GPC6: variants seen among roughly 807,000 people sequenced by gnomAD.
GPC6 encodes glypican-6.
Under a neutral mutation model 55.2 loss-of-function variants are expected in GPC6, and 14 were observed. That is an observed-to-expected ratio of 0.25 (90% CI 0.17 to 0.40). The LOEUF (loss-of-function observed/expected upper bound fraction) is 0.40, where lower values mean the gene tolerates loss of function less well. Among genes scored for constraint, GPC6 ranks in the 10% least tolerant of loss-of-function variants. The pLI is 1.00. For missense variants in GPC6, 641 were observed against 708.5 expected (o/e 0.90, Z 1.08); for synonymous variants, 278 against 259.6 (o/e 1.07, Z -0.68).
At chr13:94,126,169 C>G (rs557115852) in intron 4 of GPC6, among the ~76,000 whole-genome samples, 2 of 152,164 alleles carry the variant, frequency 1.3e-5, no homozygotes, top group Non-Finnish European at 2.9e-5. Context: ...CACTTTGAGG[C>G]AAGAGTTGGA....
At chr13:93,459,141 C>A (rs1878584284) in intron 1 of GPC6, among the ~76,000 whole-genome samples, 2 of 152,210 alleles carry the variant, frequency 1.3e-5, no homozygotes, top group African/African-American at 4.8e-5. Flanking sequence ...TCACCGCAGT[C>A]TTAACCTCCT....
At chr13:93,921,737 G>A (rs1877586061) in intron 3 of GPC6, among the ~76,000 whole-genome samples, 1 of 151,646 alleles carries the variant, frequency 6.6e-6, no homozygotes, top group African/African-American at 2.4e-5. Context: ...CCAAAAGGCA[G>A]CATTTGGGTG....
intron 2 of GPC6, among the ~76,000 whole-genome samples, chr13:93,824,226 G>A (rs528036053): frequency 6.6e-6 from 1 of 152,212 alleles, no homozygotes; most frequent in South Asian, 2.1e-4. Context: ...GTATGAGTGA[G>A]GAAATAAAGG....
At chr13:94,144,118 A>G (rs1887474849) in intron 4 of GPC6, among the ~76,000 whole-genome samples, 1 of 151,910 alleles carries the variant, frequency 6.6e-6, no homozygotes. Flanking sequence ...TCTGTCGCAC[A>G]CTCTTTTTTA....
chr13:93,354,658 C>T (rs1304858997), intron 1 of GPC6, among the ~76,000 whole-genome samples: 1 of 151,610 alleles, frequency 6.6e-6, no homozygotes, highest in Non-Finnish European at 1.5e-5. Flanking sequence ...GCCACCGCAC[C>T]CAGCCTTCTG....
chr13:93,680,207 G>A (rs909817376), intron 2 of GPC6, among the ~76,000 whole-genome samples: 88 of 152,158 alleles, frequency 5.8e-4, no homozygotes, highest in African/African-American at 2.0e-3. Flanking sequence ...TATTAAAAGG[G>A]ACACAGAGAC....
intron 4 of GPC6, among the ~76,000 whole-genome samples, chr13:94,071,203 G>A (rs1884720586): frequency 6.6e-6 from 1 of 152,100 alleles, no homozygotes; most frequent in Non-Finnish European, 1.5e-5. Flanking sequence ...ATGCACCTAA[G>A]CATATTTGGT....
intron 1 of GPC6, among the ~76,000 whole-genome samples, chr13:93,383,202 G>A (rs556703442): frequency 2.6e-5 from 4 of 152,084 alleles, no homozygotes; most frequent in Non-Finnish European, 5.9e-5. Context: ...TAACTAATCT[G>A]AAAAACAAAT....
Position 93,691,395 on chromosome 13 carries a change from TA to T in GPC6, c.320-138758del, listed in dbSNP as rs1217941403. Among the ~76,000 whole-genome samples the T allele has an allele frequency of 3.5e-5, 5 of 143,998 alleles. No homozygotes were observed. In the South Asian group the frequency reaches 7.4e-4, roughly 21 times the overall value. 94.5% of individuals were successfully genotyped at this position (143,998 alleles called of 152,430 possible). A position where few individuals can be genotyped will look rare whatever the true frequency, so the allele number is the denominator to read the frequency against. Reference sequence around the variant, plus strand: ...CAAGCCACTTTTGCTTATTCCTATATATTTTTTTTAAATTATCTTTAAACTC... The same window carrying T: ...CAAGCCACTTTTGCTTATTCCTATATTTTTTTTTAAATTATCTTTAAACTC... On this transcript the variant is annotated intron_variant, in intron 2 of 8. Coordinates refer to ENST00000377047, the MANE Select transcript of GPC6 (RefSeq NM_005708.5).
At chr13:93,453,772 G>T (rs993378386) in intron 1 of GPC6, among the ~76,000 whole-genome samples, 1 of 151,980 alleles carries the variant, frequency 6.6e-6, no homozygotes, top group Admixed American at 6.6e-5. Flanking sequence ...TGAAGCTGCA[G>T]ACCTTCGCGG....
intron 2 of GPC6, among the ~76,000 whole-genome samples, chr13:93,695,713 T>G (rs1882429160): frequency 6.6e-6 from 1 of 152,128 alleles, no homozygotes; most frequent in Admixed American, 6.6e-5. Context: ...ATGCTTTCAT[T>G]CATTTTCCTT....
At chr13:93,525,614 T>A (rs1881615244) in intron 1 of GPC6, among the ~76,000 whole-genome samples, 1 of 152,024 alleles carries the variant, frequency 6.6e-6, no homozygotes, top group Non-Finnish European at 1.5e-5. Context: ...TGAACTAATT[T>A]TTGATTTGTT....
chr13:93,314,081 G>A (rs1008646193), intron 1 of GPC6, among the ~76,000 whole-genome samples: 1 of 152,004 alleles, frequency 6.6e-6, no homozygotes, highest in Non-Finnish European at 1.5e-5. Flanking sequence ...CTCTATTCTG[G>A]TTTTCCTGCC....
At chr13:93,730,442 T>C (rs985645438) in intron 2 of GPC6, among the ~76,000 whole-genome samples, 6 of 152,242 alleles carry the variant, frequency 3.9e-5, no homozygotes, top group African/African-American at 1.4e-4. Context: ...TCCTTGTTGC[T>C]GTTTCATTGC....
At chr13:93,917,371 G>GC (rs1555341652) in intron 3 of GPC6, among the ~76,000 whole-genome samples, 2 of 151,286 alleles carry the variant, frequency 1.3e-5, no homozygotes, top group East Asian at 3.9e-4. Context: ...ACCCAGCACT[G>GC]TTTTTTTTCA....
intron 2 of GPC6, among the ~76,000 whole-genome samples, chr13:93,742,678 C>T (rs1884250607): frequency 6.6e-6 from 1 of 152,108 alleles, no homozygotes; most frequent in Non-Finnish European, 1.5e-5. Flanking sequence ...GTCTATATAG[C>T]TCATCACTGT....
chr13:93,872,974 C>T (rs531423501), intron 3 of GPC6, among the ~76,000 whole-genome samples: 2 of 151,974 alleles, frequency 1.3e-5, no homozygotes, highest in South Asian at 4.1e-4. Context: ...ACACTAAAGG[C>T]TGGCATGGAT....
chr13:93,619,187 T>A (rs1878849061), intron 2 of GPC6, among the ~76,000 whole-genome samples: 1 of 152,062 alleles, frequency 6.6e-6, no homozygotes, highest in African/African-American at 2.4e-5. Context: ...TTGTTTGGGG[T>A]TTTTGTTTCA....
At chr13:94,006,442 G>A (rs1304459768) in intron 3 of GPC6, among the ~76,000 whole-genome samples, 1 of 152,206 alleles carries the variant, frequency 6.6e-6, no homozygotes, top group African/African-American at 2.4e-5. Context: ...GCGCTCCTCA[G>A]CAAGACAGTT....
Sources: gnomAD v4.1 joint callset for allele counts (sites outside exome capture counted in the v4.1 genomes callset) on GRCh38, gnomAD v4.1.1 for gene constraint, MANE v1.5 for transcripts, NCBI Gene and HGNC (gene_info 2026-07-23, HGNC 2026-07-21) for gene names.